The following MACROD2 variants were observed in gnomAD, a reference collection of about 807,000 sequenced individuals.
MACROD2 encodes ADP-ribose glycohydrolase MACROD2.
MACROD2 carries 36 observed loss-of-function variants against 70.4 expected under a neutral mutation model. The ratio of observed to expected loss-of-function variants is 0.51; its 90% CI spans 0.39 to 0.68. The LOEUF is 0.68. Among genes scored for constraint, MACROD2 ranks in the 30% least tolerant of loss-of-function variants. The pLI is 0.00. For missense variants in MACROD2, 496 were observed against 538.4 expected (o/e 0.92, Z 0.78); for synonymous variants, 172 against 178.8 (o/e 0.96, Z 0.30).
At chr20:15,943,269 G>C (rs2065775512) in intron 12 of MACROD2, among the ~76,000 whole-genome samples, 1 of 152,134 alleles carries the variant, frequency 6.6e-6, no homozygotes, top group South Asian at 2.1e-4. Flanking sequence ...TCTGGAAAAC[G>C]GCATTGTTTC....
chr20:14,373,155 G>A (rs6079407), intron 3 of MACROD2, among the ~76,000 whole-genome samples: 3,285 of 152,036 alleles, frequency 0.022, 44 homozygotes, highest in East Asian at 0.036. Flanking sequence ...AGCAAGTGGC[G>A]GTTGCTCTTT....
At chr20:14,806,989 G>T (rs2072647237) in intron 5 of MACROD2, among the ~76,000 whole-genome samples, 3 of 152,126 alleles carry the variant, frequency 2.0e-5, no homozygotes, top group Admixed American at 2.0e-4. Flanking sequence ...AGAGCACCTG[G>T]GAGAAGGAGT....
At chr20:14,220,846 G>A (rs2081666711) in intron 3 of MACROD2, among the ~76,000 whole-genome samples, 1 of 152,194 alleles carries the variant, frequency 6.6e-6, no homozygotes, top group African/African-American at 2.4e-5. Flanking sequence ...TCCCACTTCC[G>A]CAGGTGGGGC....
At chr20:15,721,992 G>A (rs953664728) in intron 8 of MACROD2, among the ~76,000 whole-genome samples, 4 of 152,060 alleles carry the variant, frequency 2.6e-5, no homozygotes, top group African/African-American at 9.7e-5. Context: ...CATATTATAT[G>A]TATTCTTTAC....
At chr20:15,905,154 C>A (rs915421637) in intron 10 of MACROD2, among the ~76,000 whole-genome samples, 3 of 152,114 alleles carry the variant, frequency 2.0e-5, no homozygotes, top group African/African-American at 7.2e-5. Context: ...GTAAATATTT[C>A]CATCCTTAAT....
intron 5 of MACROD2, among the ~76,000 whole-genome samples, chr20:14,834,382 T>C (rs2122245232): frequency 6.6e-6 from 1 of 152,082 alleles, no homozygotes; most frequent in African/African-American, 2.4e-5. Context: ...GGAGGGCTAA[T>C]TGGGCCTTGT....
At chr20:14,993,502 A>G (rs1054134188) in intron 5 of MACROD2, among the ~76,000 whole-genome samples, 2 of 152,140 alleles carry the variant, frequency 1.3e-5, no homozygotes, top group Non-Finnish European at 2.9e-5. Flanking sequence ...AAATTGCCTC[A>G]CAAAAATATT....
chr20:14,804,272 A>G (rs115767513), intron 5 of MACROD2, among the ~76,000 whole-genome samples: 2,046 of 151,898 alleles, frequency 0.013, 47 homozygotes, highest in African/African-American at 0.047. Flanking sequence ...TAATTGTTTC[A>G]TATAATTGTA....
At chr20:14,262,214 G>C (rs560258724) in intron 3 of MACROD2, among the ~76,000 whole-genome samples, 1 of 152,292 alleles carries the variant, frequency 6.6e-6, no homozygotes, top group East Asian at 1.9e-4. Context: ...CTTGCAGGTA[G>C]TGGGGAGCCA....
At chr20:15,801,480 A>T (rs1319579370) in intron 8 of MACROD2, among the ~76,000 whole-genome samples, 1 of 137,884 alleles carries the variant, frequency 7.3e-6, no homozygotes, top group African/African-American at 2.9e-5. Context: ...AATATCAAAC[A>T]TGAAAAAAAA....
intron 3 of MACROD2, among the ~76,000 whole-genome samples, chr20:14,329,932 G>C (rs1031301788): frequency 4.6e-5 from 7 of 151,922 alleles, no homozygotes; most frequent in African/African-American, 1.7e-4. Context: ...TAGTGATCTT[G>C]AAACTCTAAG....
chr20:15,329,082 GA>G (rs1282090582), intron 6 of MACROD2, among the ~76,000 whole-genome samples: 2 of 152,016 alleles, frequency 1.3e-5, no homozygotes, highest in African/African-American at 2.4e-5. Context: ...AAAACATACA[GA>G]AAAAATCTAA....
chr20:14,571,146 A>G lies in MACROD2; in HGVS notation c.301+77638A>G, dbSNP rs545657831. Among the ~76,000 whole-genome samples, 161 of 152,196 alleles carry G rather than the reference A, an allele frequency of 1.1e-3. 1 individual carries two copies. Among genetic ancestry groups the G allele is most frequent in the East Asian group, 5.8e-4 (3 of 5,176 alleles). ...CAGAAGCAGTTGGTCTCAGATGTAC[A>G]CCTTGAGAAAGTCAGGCCTGGAGAA... is the stretch of plus-strand genomic sequence containing the variant. On this transcript the variant is annotated intron_variant, in intron 4 of 17. Transcript: ENST00000684519.
At chr20:14,485,099 A>G (rs993026321) in intron 3 of MACROD2, among the ~76,000 whole-genome samples, 3 of 152,020 alleles carry the variant, frequency 2.0e-5, no homozygotes, top group Non-Finnish European at 1.5e-5. Flanking sequence ...AACAGTATAT[A>G]AGGATCCCCT....
chr20:14,446,841 G>A (rs568545740), intron 3 of MACROD2, among the ~76,000 whole-genome samples: 2 of 152,082 alleles, frequency 1.3e-5, no homozygotes, highest in South Asian at 4.1e-4. Context: ...AGTATAAGCA[G>A]TCTATAAACT....
chr20:15,900,897 A>C (rs924388556), intron 10 of MACROD2, among the ~76,000 whole-genome samples: 1 of 152,208 alleles, frequency 6.6e-6, no homozygotes. Flanking sequence ...CTGATCTTGC[A>C]GGACTGCAGG....
At chr20:15,295,115 A>G (rs868647340) in intron 6 of MACROD2, among the ~76,000 whole-genome samples, 2 of 152,310 alleles carry the variant, frequency 1.3e-5, no homozygotes, top group Middle Eastern at 3.4e-3. Flanking sequence ...AAGTCTTATG[A>G]GATCTGATGG....
At chr20:15,459,432 C>T (rs753064011) in intron 7 of MACROD2, among the ~76,000 whole-genome samples, 2 of 152,090 alleles carry the variant, frequency 1.3e-5, no homozygotes, top group Non-Finnish European at 2.9e-5. Context: ...TTCTTAATAC[C>T]TGCCATATTA....
chr20:14,648,075 CG>C (rs938059513), intron 4 of MACROD2, among the ~76,000 whole-genome samples: 1 of 152,070 alleles, frequency 6.6e-6, no homozygotes, highest in African/African-American at 2.4e-5. Context: ...TGCCTAAATA[CG>C]GATGGTGGGT....
Sources: gnomAD v4.1 joint callset for allele counts (sites outside exome capture counted in the v4.1 genomes callset) on GRCh38, gnomAD v4.1.1 for gene constraint, MANE v1.5 for transcripts, NCBI Gene and HGNC (gene_info 2026-07-23, HGNC 2026-07-21) for gene names.